The following DMC1 variants were observed in gnomAD, a reference collection of about 807,000 sequenced individuals.
DMC1 encodes meiotic recombination protein DMC1 homolog.
In DMC1, 27 loss-of-function variants were observed where a neutral mutation model predicts 50.1. The observed-to-expected ratio is 0.54, with a 90% CI of 0.40 to 0.74. DMC1 has a LOEUF of 0.74. DMC1 is among the 30% of genes least tolerant of loss of function. The probability of loss-of-function intolerance (pLI) is 0.00; values close to 1 mark genes in which losing one functional copy is unlikely to be tolerated. For synonymous variants in DMC1, 148 were observed against 136.1 expected, an observed-to-expected ratio of 1.09 and a Z score of -0.61; for missense variants, 295 against 420.2, an observed-to-expected ratio of 0.70 and a Z score of 2.60.
intron 8 of DMC1, among the ~76,000 whole-genome samples, chr22:38,543,364 C>T (rs190361941): frequency 1.1e-4 from 16 of 151,922 alleles, no homozygotes; most frequent in African/African-American, 2.4e-4. Flanking sequence ...TGAGTAGCTG[C>T]GACTACAGGT....
chr22:38,519,555 G>GT lies in DMC1; in HGVS notation c.*464dup, dbSNP rs2090001212. On this transcript the variant is annotated 3_prime_UTR_variant, in exon 14 of 14. Transcript: ENST00000216024. ...CTCTTGTGGAAAAACATCTAGCTAT[G>GT]TAAGTCAGTGGCACTATACCCTAGA... 1 of 174,326 alleles carries GT rather than the reference G, an allele frequency of 5.7e-6. No homozygotes were observed. Among genetic ancestry groups the GT allele is most frequent in the Non-Finnish European group, 1.2e-5 (1 of 80,300 alleles). 10.8% of individuals were successfully genotyped at this position (174,326 alleles called of 1,614,324 possible). A position where few individuals can be genotyped will look rare whatever the true frequency, so the allele number is the denominator to read the frequency against.
chr22:38,565,664 T>G (rs1366368904), intron 4 of DMC1, among the ~76,000 whole-genome samples: 1 of 152,218 alleles, frequency 6.6e-6, no homozygotes, highest in Non-Finnish European at 1.5e-5. Flanking sequence ...TGGCTCACCT[T>G]TGGGCAAAGC....
intron 12 of DMC1, among the ~76,000 whole-genome samples, chr22:38,526,483 C>T (rs2090090970): frequency 1.3e-5 from 2 of 152,166 alleles, no homozygotes; most frequent in Admixed American, 6.5e-5. Flanking sequence ...GCTGGGATTA[C>T]AGGCGTGGGC....
the DMC1 span, among the ~76,000 whole-genome samples, chr22:38,511,705 G>A: frequency 6.6e-6 from 1 of 152,070 alleles, no homozygotes; most frequent in African/African-American, 2.4e-5. Flanking sequence ...AGGCTCAAGC[G>A]ATCCTCACGC....
intron 12 of DMC1, among the ~76,000 whole-genome samples, chr22:38,524,362 T>C (rs5995589): frequency 0.088 from 13,320 of 152,040 alleles, 1,407 homozygotes; most frequent in African/African-American, 0.25. Flanking sequence ...TGCAGTGAGC[T>C]GATCGCGCCA....
intron 4 of DMC1, among the ~76,000 whole-genome samples, chr22:38,564,105 G>C (rs1373494365): frequency 6.6e-6 from 1 of 152,148 alleles, no homozygotes; most frequent in Admixed American, 6.6e-5. Flanking sequence ...GGAGGTCAAG[G>C]CCACAGTGAA....
At chr22:38,523,922 G>A (rs574847857) in intron 12 of DMC1, among the ~76,000 whole-genome samples, 28 of 152,258 alleles carry the variant, frequency 1.8e-4, no homozygotes, top group African/African-American at 6.5e-4. Flanking sequence ...AGCTAAGAAC[G>A]GATAGTCAAG....
Position 38,538,440 on chromosome 22 carries a change from C to T in DMC1, c.661-31G>A, listed in dbSNP as rs774652856. The T allele has an allele frequency of 4.3e-6, 7 of 1,609,978 alleles. No homozygotes were observed. The South Asian group carries it at 7.7e-5, about 18-fold the overall frequency. On this transcript the variant is annotated intron_variant, in intron 10 of 13. Coordinates refer to ENST00000216024, the MANE Select transcript of DMC1 (RefSeq NM_007068.4). ...CAGGATTAATGTAAAAATAAACATG[C>T]ATTTGGAAATTGAAGGAAGACGTTA... is the stretch of plus-strand genomic sequence containing the variant.
chr22:38,509,349 T>G, the DMC1 span, among the ~76,000 whole-genome samples: 1 of 152,290 alleles, frequency 6.6e-6, no homozygotes, highest in East Asian at 1.9e-4. Flanking sequence ...GTATGTGTTG[T>G]TCCCCCGCTC....
chr22:38,568,450 C>CG, intron 1 of DMC1, 161 bp from the exon 2 acceptor site: 1 of 623,986 alleles, frequency 1.6e-6, no homozygotes, highest in South Asian at 1.9e-5. Flanking sequence ...GACATTATTT[C>CG]TTGTGTGTGT....
At chr22:38,523,820 C>T (rs1376529436) in intron 12 of DMC1, among the ~76,000 whole-genome samples, 1 of 151,902 alleles carries the variant, frequency 6.6e-6, no homozygotes, top group Non-Finnish European at 1.5e-5. Context: ...ACAACAATTC[C>T]AAGGGGAATA....
intron 9 of DMC1, 85 bp from the exon 10 acceptor site, chr22:38,538,697 A>C: frequency 8.5e-7 from 1 of 1,182,320 alleles, no homozygotes; most frequent in South Asian, 1.2e-5. Flanking sequence ...AGCCAGGCAA[A>C]ATAAATTCCT....
chr22:38,561,312 G>A (rs1219937570), intron 5 of DMC1, among the ~76,000 whole-genome samples: 1 of 152,014 alleles, frequency 6.6e-6, no homozygotes, highest in Non-Finnish European at 1.5e-5. Flanking sequence ...CCGGCCAGGT[G>A]ATATGTCTTT....
intron 12 of DMC1, 73 bp from the exon 13 acceptor site, chr22:38,521,797 A>G (rs1602709373): frequency 6.7e-6 from 7 of 1,041,490 alleles, no homozygotes; most frequent in South Asian, 3.8e-5. Context: ...TTACAAGGCA[A>G]TCTTTCTGTG....
At chr22:38,516,840 T>G (rs1162097342), downstream of DMC1, among the ~76,000 whole-genome samples, 1 of 152,166 alleles carries the variant, frequency 6.6e-6, no homozygotes, top group East Asian at 1.9e-4. Context: ...TTTATTTTTC[T>G]TTTTTGAGAC....
At chr22:38,526,237 C>T (rs1265366635) in intron 12 of DMC1, among the ~76,000 whole-genome samples, 1 of 151,348 alleles carries the variant, frequency 6.6e-6, no homozygotes, top group Non-Finnish European at 1.5e-5. Flanking sequence ...CGGAGTCTTG[C>T]TCTGTTGCCC....
At chr22:38,568,431 G>A (rs552435370) in intron 1 of DMC1, 142 bp from the exon 2 acceptor site, 72 of 659,068 alleles carry the variant, frequency 1.1e-4, no homozygotes, top group South Asian at 9.6e-4. Flanking sequence ...TTCTTTCTGC[G>A]AGACATGTGA....
chr22:38,510,387 G>A, the DMC1 span, among the ~76,000 whole-genome samples: 9 of 152,258 alleles, frequency 5.9e-5, no homozygotes, highest in South Asian at 2.1e-4. Flanking sequence ...CCCAGGAGGC[G>A]GAGGTTGCAG....
intron 12 of DMC1, among the ~76,000 whole-genome samples, chr22:38,535,191 C>T (rs1173477765): frequency 6.6e-6 from 1 of 151,638 alleles, no homozygotes; most frequent in South Asian, 2.1e-4. Flanking sequence ...TCCAGCTACT[C>T]AGGAGGCTGA....
Sources: gnomAD v4.1 joint callset for allele counts (sites outside exome capture counted in the v4.1 genomes callset) on GRCh38, gnomAD v4.1.1 for gene constraint, MANE v1.5 for transcripts, NCBI Gene and HGNC (gene_info 2026-07-23, HGNC 2026-07-21) for gene names.